KSR2: variants seen among roughly 807,000 people sequenced by gnomAD.
The protein encoded by KSR2 is kinase suppressor of ras 2.
KSR2 carries 25 observed loss-of-function variants against 107.8 expected under a neutral mutation model. That is an observed-to-expected ratio of 0.23 (90% CI 0.17 to 0.32). KSR2 has a LOEUF of 0.32. Ranked by LOEUF, KSR2 falls within the 10% of genes least tolerant of loss-of-function variation. The pLI is 1.00. For missense variants in KSR2, 887 were observed against 1,268.9 expected (o/e 0.70, Z 4.57); for synonymous variants, 480 against 507.0 (o/e 0.95, Z 0.71).
At chr12:117,887,146 A>T (rs1244199498) in intron 1 of KSR2, among the ~76,000 whole-genome samples, 1 of 151,202 alleles carries the variant, frequency 6.6e-6, no homozygotes, top group Non-Finnish European at 1.5e-5. Context: ...CTGGTCTCGA[A>T]CTCCTGGGCT....
intron 4 of KSR2, among the ~76,000 whole-genome samples, chr12:117,675,576 T>C (rs657724): frequency 0.76 from 116,135 of 152,210 alleles, 44,541 homozygotes; most frequent in African/African-American, 0.79. Context: ...CTCTCCCAGC[T>C]TTCATCACAG....
intron 5 of KSR2, among the ~76,000 whole-genome samples, chr12:117,661,184 C>G (rs1222512229): frequency 6.6e-6 from 1 of 151,808 alleles, no homozygotes; most frequent in Non-Finnish European, 1.5e-5. Flanking sequence ...AAGTCATACA[C>G]AACAACAAAA....
At chr12:117,766,136 G>C (rs544088103) in intron 3 of KSR2, among the ~76,000 whole-genome samples, 2 of 152,278 alleles carry the variant, frequency 1.3e-5, no homozygotes, top group African/African-American at 4.8e-5. Context: ...ATTGCCAAAA[G>C]GTGGAAACAA....
At chr12:117,956,016 C>T (rs1254428007) in intron 1 of KSR2, among the ~76,000 whole-genome samples, 5 of 151,638 alleles carry the variant, frequency 3.3e-5, no homozygotes, top group Admixed American at 2.0e-4. Flanking sequence ...TTTGGGAGGC[C>T]GAGACGGGCG....
intron 5 of KSR2, among the ~76,000 whole-genome samples, chr12:117,632,572 G>A (rs1432637225): frequency 1.3e-5 from 2 of 152,056 alleles, no homozygotes; most frequent in Admixed American, 6.6e-5. Flanking sequence ...GGGTACATGT[G>A]CAGGTTTGTT....
In KSR2 at chr12:117,761,375, G is replaced by C. The variant is rs1889011552; in HGVS notation, c.622C>G (p.His208Asp). The C allele has an allele frequency of 6.2e-7, 1 of 1,604,430 alleles. No individual in the cohort carries two copies. Among genetic ancestry groups the C allele is most frequent in the Non-Finnish European group, 8.5e-7 (1 of 1,177,358 alleles). ...GGAGTGGGGCTGGTGTGACAATAGTGCTGGACGCACTTGGACGGGACCCTG... is the reference window on the plus strand; with the variant it reads ...GGAGTGGGGCTGGTGTGACAATAGTCCTGGACGCACTTGGACGGGACCCTG... ...SPRVPSKCVQ[H>D]YCHTSPTPGA... Residue 208 changes from histidine to aspartate, a missense_variant, in exon 4 of 20, where the codon CAC (histidine) becomes GAC (aspartate). Coordinates refer to ENST00000339824, the MANE Select transcript of KSR2 (RefSeq NM_173598.6).
At chr12:117,772,358 C>CACAA (rs1491378853) in intron 3 of KSR2, among the ~76,000 whole-genome samples, 1 of 139,608 alleles carries the variant, frequency 7.2e-6, no homozygotes, top group East Asian at 2.3e-4. Flanking sequence ...CCCAAAGACG[C>CACAA]ACACACACTC....
At chr12:117,610,916 A>C (rs756022519) in intron 5 of KSR2, among the ~76,000 whole-genome samples, 58 of 152,304 alleles carry the variant, frequency 3.8e-4, no homozygotes, top group Middle Eastern at 6.8e-3. Context: ...TAAGAACTCT[A>C]GTGAAACTAC....
At chr12:117,480,601 C>CG (rs1367025352) in intron 16 of KSR2, among the ~76,000 whole-genome samples, 22 of 152,014 alleles carry the variant, frequency 1.4e-4, no homozygotes, top group Admixed American at 4.6e-4. Context: ...GGCTTGGTGG[C>CG]GGGGGGGTCT....
intron 3 of KSR2, among the ~76,000 whole-genome samples, chr12:117,794,205 ATAC>A (rs1566018780): frequency 2.0e-5 from 2 of 100,910 alleles, no homozygotes; most frequent in Non-Finnish European, 1.9e-5. Context: ...CCATGCACAC[ATAC>A]ACCAACATGC....
chr12:117,600,626 C>CA (rs1424728140), intron 5 of KSR2, among the ~76,000 whole-genome samples: 1 of 152,202 alleles, frequency 6.6e-6, no homozygotes, highest in Non-Finnish European at 1.5e-5. Context: ...TACCTTGGAG[C>CA]AGGCAGCAAG....
intron 16 of KSR2, among the ~76,000 whole-genome samples, chr12:117,481,505 C>A (rs1348843675): frequency 6.6e-6 from 1 of 152,170 alleles, no homozygotes; most frequent in Non-Finnish European, 1.5e-5. Flanking sequence ...CATCTACAAG[C>A]TGGGAAGAGA....
At chr12:117,532,693 G>A (rs995379344) in intron 10 of KSR2, among the ~76,000 whole-genome samples, 1 of 151,982 alleles carries the variant, frequency 6.6e-6, no homozygotes, top group African/African-American at 2.4e-5. Context: ...TAATCTACTC[G>A]CCAGAGGCCA....
At chr12:117,754,499 G>A (rs1028247037) in intron 4 of KSR2, among the ~76,000 whole-genome samples, 2 of 152,010 alleles carry the variant, frequency 1.3e-5, no homozygotes, top group Admixed American at 6.6e-5. Context: ...TTAGCCAGGC[G>A]GCATGGCATG....
Position 117,855,498 on chromosome 12 carries a change from G to T in KSR2, c.402C>A (p.Tyr134Ter), listed in dbSNP as rs759965853. 6.2e-7 allele frequency: 1 copy of T among 1,613,988 alleles called. No individual in the cohort carries two copies. Among genetic ancestry groups the T allele is most frequent in the Non-Finnish European group, 8.5e-7 (1 of 1,179,880 alleles). Residue 134 changes from tyrosine to a stop codon, truncating the protein, a stop_gained, in exon 3 of 20, where the codon TAC becomes TAA. Transcript: ENST00000339824. LOFTEE classifies it high-confidence loss of function. ...DEQVCETVEKYGANREECARL... is the reference protein window; with the variant it reads ...DEQVCETVEK ...GGGCACACTCCTCCCGGTTGGCTCCGTATTTCTCCACAGTCTCGCACACCT... is the reference window on the plus strand; with the variant it reads ...GGGCACACTCCTCCCGGTTGGCTCCTTATTTCTCCACAGTCTCGCACACCT...
At chr12:117,833,185 G>A (rs962059996) in intron 3 of KSR2, among the ~76,000 whole-genome samples, 4 of 152,120 alleles carry the variant, frequency 2.6e-5, no homozygotes, top group African/African-American at 9.7e-5. Context: ...TTTTTACAAG[G>A]GACGGGACAA....
intron 4 of KSR2, among the ~76,000 whole-genome samples, chr12:117,687,631 T>C (rs966720015): frequency 2.6e-5 from 4 of 152,182 alleles, no homozygotes; most frequent in African/African-American, 9.6e-5. Context: ...CAGAGGACAC[T>C]GGTTTTGTGA....
intron 9 of KSR2, among the ~76,000 whole-genome samples, chr12:117,552,717 C>A (rs533125569): frequency 6.6e-6 from 1 of 152,340 alleles, no homozygotes; most frequent in South Asian, 2.1e-4. Flanking sequence ...TTAGGCTTTG[C>A]AGGCCATGCA....
intron 7 of KSR2, 121 bp from the exon 8 acceptor site, chr12:117,558,694 G>C (rs1946680883): frequency 4.2e-6 from 3 of 722,296 alleles, no homozygotes; most frequent in Admixed American, 3.9e-5. Flanking sequence ...TGAATGGATG[G>C]GTAGATGGAT....
Sources: gnomAD v4.1 joint callset for allele counts (sites outside exome capture counted in the v4.1 genomes callset) on GRCh38, gnomAD v4.1.1 for gene constraint, MANE v1.5 for transcripts, NCBI Gene and HGNC (gene_info 2026-07-23, HGNC 2026-07-21) for gene names.